The following GPC5 variants were observed in gnomAD, a reference collection of about 807,000 sequenced individuals.
GPC5 encodes the protein glypican 5.
Under a neutral mutation model 53.9 loss-of-function variants are expected in GPC5, and 47 were observed. That is an observed-to-expected ratio of 0.87 (90% confidence interval 0.69 to 1.11). The LOEUF (loss-of-function observed/expected upper bound fraction) is 1.11, where lower values mean the gene tolerates loss of function less well. Among genes scored for constraint, GPC5 ranks in the 50% most tolerant of loss-of-function variants. GPC5 has a pLI of 0.00. For synonymous variants in GPC5, 286 were observed against 263.3 expected (o/e 1.09, Z -0.84); for missense variants, 748 against 713.1 (o/e 1.05, Z -0.56).
intron 7 of GPC5, among the ~76,000 whole-genome samples, chr13:92,193,240 T>C (rs1179489234): frequency 6.6e-6 from 1 of 152,198 alleles, no homozygotes; most frequent in Non-Finnish European, 1.5e-5. Flanking sequence ...ATATTATTAA[T>C]TCAATTTCTG....
At chr13:92,623,867 T>TTTAG (rs1027516787) in intron 7 of GPC5, among the ~76,000 whole-genome samples, 6 of 151,810 alleles carry the variant, frequency 4.0e-5, no homozygotes, top group African/African-American at 1.5e-4. Flanking sequence ...TATTTATTTA[T>TTTAG]TTATTTTGAG....
In GPC5 at chr13:91,819,736, G is replaced by A. The variant is rs186242384; in HGVS notation, c.1280+63316G>A. Among the ~76,000 whole-genome samples, 13 of 152,174 alleles carry A rather than the reference G, an allele frequency of 8.5e-5. No individual in the cohort carries two copies. In the East Asian group the frequency reaches 2.1e-3, roughly 25 times the overall value. Reference sequence around the variant, plus strand: ...CTGCCTGTATATAATTGTTGCACGTGCCTATGTTTCTCTGCAATGCATACT... The same window carrying A: ...CTGCCTGTATATAATTGTTGCACGTACCTATGTTTCTCTGCAATGCATACT... On this transcript the variant is annotated intron_variant, in intron 5 of 7. Transcript: ENST00000377067.
At chr13:91,406,907 G>A (rs919841376) in intron 1 of GPC5, among the ~76,000 whole-genome samples, 2 of 152,134 alleles carry the variant, frequency 1.3e-5, no homozygotes, top group Non-Finnish European at 2.9e-5. Flanking sequence ...AACTCACCAC[G>A]TATGGGTCAA....
intron 6 of GPC5, among the ~76,000 whole-genome samples, chr13:91,977,182 T>C (rs1023335827): frequency 6.6e-5 from 10 of 152,178 alleles, no homozygotes; most frequent in Non-Finnish European, 1.2e-4. Context: ...AAATATGATA[T>C]GTAAATAAAT....
intron 6 of GPC5, among the ~76,000 whole-genome samples, chr13:92,138,451 C>T (rs542679689): frequency 5.4e-4 from 82 of 150,586 alleles, no homozygotes; most frequent in African/African-American, 8.6e-4. Context: ...ACCCGGGAGG[C>T]GGAGGTTGCA....
intron 7 of GPC5, among the ~76,000 whole-genome samples, chr13:92,359,990 A>C (rs1438123561): frequency 6.6e-6 from 1 of 151,714 alleles, no homozygotes; most frequent in African/African-American, 2.4e-5. Context: ...CCTTTGTCAC[A>C]TATTTTGCAA....
chr13:91,655,130 T>C (rs1409600), intron 2 of GPC5, among the ~76,000 whole-genome samples: 24,625 of 152,142 alleles, frequency 0.16, 2,190 homozygotes, highest in East Asian at 0.29. Flanking sequence ...TTTTTACATA[T>C]AGATTTAGAT....
chr13:92,292,131 T>G (rs1249226442), intron 7 of GPC5, among the ~76,000 whole-genome samples: 1 of 152,264 alleles, frequency 6.6e-6, no homozygotes, highest in South Asian at 2.1e-4. Flanking sequence ...TTGCAAATTG[T>G]GCTGCTGTAA....
intron 7 of GPC5, among the ~76,000 whole-genome samples, chr13:92,401,810 G>A (rs1566575426): frequency 6.6e-6 from 1 of 152,060 alleles, no homozygotes; most frequent in Non-Finnish European, 1.5e-5. Flanking sequence ...ACACTAAAAA[G>A]ACATTACATT....
At chr13:91,471,933 A>G (rs1438797066) in intron 2 of GPC5, among the ~76,000 whole-genome samples, 1 of 152,172 alleles carries the variant, frequency 6.6e-6, no homozygotes, top group East Asian at 1.9e-4. Flanking sequence ...TGTCGTTCAT[A>G]TGCCATTCTC....
chr13:92,215,916 A>C (rs969461607), intron 7 of GPC5, among the ~76,000 whole-genome samples: 1 of 152,108 alleles, frequency 6.6e-6, no homozygotes, highest in East Asian at 1.9e-4. Context: ...ACCCCTCCTT[A>C]GCTCAGGCTT....
chr13:92,772,567 A>G (rs187869935), intron 7 of GPC5, among the ~76,000 whole-genome samples: 1 of 152,218 alleles, frequency 6.6e-6, no homozygotes, highest in East Asian at 1.9e-4. Context: ...TATTCTTCCA[A>G]TGTCATTTCT....
intron 6 of GPC5, among the ~76,000 whole-genome samples, chr13:92,136,168 G>A (rs1263612657): frequency 6.6e-6 from 1 of 152,060 alleles, no homozygotes; most frequent in African/African-American, 2.4e-5. Context: ...ATATGTTGTA[G>A]AGATAAATTT....
chr13:91,795,403 A>T (rs1215512554), intron 5 of GPC5, among the ~76,000 whole-genome samples: 1 of 152,210 alleles, frequency 6.6e-6, no homozygotes, highest in African/African-American at 2.4e-5. Flanking sequence ...AACAAACTAT[A>T]GCTTTCTGTT....
intron 2 of GPC5, among the ~76,000 whole-genome samples, chr13:91,668,354 A>G (rs567924146): frequency 1.3e-5 from 2 of 152,364 alleles, no homozygotes; most frequent in East Asian, 1.9e-4. Flanking sequence ...CTAGCAGCAC[A>G]TAGCATTGAA....
intron 7 of GPC5, among the ~76,000 whole-genome samples, chr13:92,652,678 T>A (rs1885995444): frequency 6.6e-6 from 1 of 152,148 alleles, no homozygotes; most frequent in Non-Finnish European, 1.5e-5. Context: ...CTTGCTAATT[T>A]CTAGTATACA....
chr13:92,314,737 CTGAG>C (rs2043167155), intron 7 of GPC5, among the ~76,000 whole-genome samples: 1 of 152,148 alleles, frequency 6.6e-6, no homozygotes, highest in Non-Finnish European at 1.5e-5. Flanking sequence ...AGAGGAGAAA[CTGAG>C]TAAGTGTCCA....
At chr13:91,554,574 A>G (rs1413769484) in intron 2 of GPC5, among the ~76,000 whole-genome samples, 2 of 152,124 alleles carry the variant, frequency 1.3e-5, no homozygotes, top group Non-Finnish European at 2.9e-5. Context: ...AGATCTGTAC[A>G]TAATTGGTTA....
In GPC5 at chr13:92,125,923, G is replaced by GTTTTTTTTTTTTTTTTTTTTTTT. The variant is rs1566446337; in HGVS notation, c.1402-18907_1402-18906insTTTTTTTTTTTTTTTTTTTTTTT. Among the ~76,000 whole-genome samples the GTTTTTTTTTTTTTTTTTTTTTTT allele has an allele frequency of 1.4e-4, 6 of 41,536 alleles. 3 individuals are homozygous for GTTTTTTTTTTTTTTTTTTTTTTT. Among genetic ancestry groups the GTTTTTTTTTTTTTTTTTTTTTTT allele is most frequent in the Non-Finnish European group, 9.9e-5 (2 of 20,260 alleles). 27.2% of individuals were successfully genotyped at this position (41,536 alleles called of 152,430 possible). ...ATTAGAAAGGAAACATTTGTTTTTT[G>GTTTTTTTTTTTTTTTTTTTTTTT]GTTTTTTTTTTTTTTTTTTTTTTTT... is the stretch of plus-strand genomic sequence containing the variant. On this transcript the variant is annotated intron_variant, in intron 6 of 7. Transcript: ENST00000377067.
Sources: allele counts gnomAD v4.1 joint callset (sites outside exome capture counted in the v4.1 genomes callset), GRCh38; gene constraint gnomAD v4.1.1; transcripts MANE v1.5; gene names NCBI Gene and HGNC (gene_info 2026-07-23, HGNC 2026-07-21).